CHRM5: variants seen among roughly 807,000 people sequenced by gnomAD.
The protein encoded by CHRM5 is cholinergic receptor muscarinic 5.
A neutral mutation model predicts 39.0 loss-of-function variants in CHRM5; 18 were observed. The observed-to-expected ratio is 0.46, with a 90% CI of 0.32 to 0.68. The LOEUF (loss-of-function observed/expected upper bound fraction) is 0.68. CHRM5 is among the 30% of genes least tolerant of loss of function. CHRM5 has a pLI of 0.04. For missense variants in CHRM5, 515 were observed against 651.1 expected (o/e 0.79, Z 2.28); for synonymous variants, 241 against 246.3 (o/e 0.98, Z 0.20).
intron 1 of CHRM5, among the ~76,000 whole-genome samples, chr15:33,984,323 GTCA>G (rs1477248845): frequency 6.6e-6 from 1 of 151,818 alleles, no homozygotes; most frequent in African/African-American, 2.4e-5. Flanking sequence ...GGACCTTAAT[GTCA>G]TTTTATTAAG....
chr15:34,038,198 C>T (rs1437659665), intron 1 of CHRM5, among the ~76,000 whole-genome samples: 1 of 152,204 alleles, frequency 6.6e-6, no homozygotes, highest in Non-Finnish European at 1.5e-5. Flanking sequence ...AAGAGAACTA[C>T]GCTATTACAA....
intron 1 of CHRM5, among the ~76,000 whole-genome samples, chr15:33,975,600 C>CAGA (rs1460693719): frequency 1.3e-5 from 2 of 152,156 alleles, no homozygotes; most frequent in Non-Finnish European, 2.9e-5. Flanking sequence ...TAATAGAACT[C>CAGA]AGAATTCAGT....
intron 1 of CHRM5, among the ~76,000 whole-genome samples, chr15:33,998,524 T>C (rs1026783863): frequency 6.6e-6 from 1 of 152,158 alleles, no homozygotes; most frequent in Non-Finnish European, 1.5e-5. Context: ...CAGCCCATTA[T>C]TCTCCTTTCC....
At chr15:33,972,908 G>A (rs1210281829) in intron 1 of CHRM5, among the ~76,000 whole-genome samples, 2 of 152,142 alleles carry the variant, frequency 1.3e-5, no homozygotes, top group African/African-American at 4.8e-5. Context: ...ACTACTCCAC[G>A]CATAATTACA....
At chr15:34,004,233 A>C (rs1274945908) in intron 1 of CHRM5, among the ~76,000 whole-genome samples, 4 of 152,236 alleles carry the variant, frequency 2.6e-5, no homozygotes, top group African/African-American at 9.6e-5. Context: ...TAGATTTTTA[A>C]ATAGGAACCC....
At chr15:34,058,252 T>C (rs78412602) in intron 2 of CHRM5, among the ~76,000 whole-genome samples, 1,905 of 152,304 alleles carry the variant, frequency 0.013, 35 homozygotes, top group Admixed American at 0.047. Context: ...TCTAGACTGG[T>C]GTTTGACAAA....
chr15:34,057,134 T>A (rs2140837499), intron 2 of CHRM5, among the ~76,000 whole-genome samples: 1 of 47,810 alleles, frequency 2.1e-5, no homozygotes, highest in East Asian at 3.4e-4. Context: ...GAGTTTTGGT[T>A]TTTTTTGGTT....
At chr15:34,039,099 GC>G in intron 1 of CHRM5, 1 of 1,066,470 alleles carries the variant, frequency 9.4e-7, no homozygotes, top group Non-Finnish European at 1.1e-6. Flanking sequence ...CGGCGGAGAC[GC>G]CCTGGCCCCA....
intron 1 of CHRM5, among the ~76,000 whole-genome samples, chr15:33,976,829 C>G (rs1332670627): frequency 6.6e-6 from 1 of 152,084 alleles, no homozygotes; most frequent in African/African-American, 2.4e-5. Flanking sequence ...TTGAAACAAA[C>G]ATCCTAGGCA....
intron 1 of CHRM5, among the ~76,000 whole-genome samples, chr15:34,045,171 A>T (rs574304795): frequency 1.3e-5 from 2 of 152,370 alleles, no homozygotes; most frequent in East Asian, 3.9e-4. Flanking sequence ...TTAGAGCTAT[A>T]AAGATGAACT....
At chr15:34,052,428 A>G (rs1899957295) in intron 2 of CHRM5, among the ~76,000 whole-genome samples, 1 of 152,232 alleles carries the variant, frequency 6.6e-6, no homozygotes, top group African/African-American at 2.4e-5. Flanking sequence ...TCCCCATGAA[A>G]ACCAGCACAA....
intron 1 of CHRM5, among the ~76,000 whole-genome samples, chr15:34,035,887 G>T (rs773635447): frequency 6.6e-6 from 1 of 152,090 alleles, no homozygotes; most frequent in Admixed American, 6.5e-5. Context: ...CTCCACCTCC[G>T]GGGCTCAAAA....
chr15:34,007,300 T>TA (rs557392998), intron 1 of CHRM5, among the ~76,000 whole-genome samples: 4 of 152,096 alleles, frequency 2.6e-5, no homozygotes, highest in Non-Finnish European at 4.4e-5. Flanking sequence ...AAAAATGAAA[T>TA]AAAAAAATGA....
rs539593837 is a variant in CHRM5, at chr15:33,996,746, G to A, written c.-408+27596G>A. On this transcript the variant is annotated intron_variant, in intron 1 of 2. Coordinates refer to ENST00000383263, the MANE Select transcript of CHRM5 (RefSeq NM_012125.4). ...AAGGTAGATAAAACCACAAAGATGGGGAGAAACCAGAGCAGAAAAGCTGAA... is the reference window on the plus strand; with the variant it reads ...AAGGTAGATAAAACCACAAAGATGGAGAGAAACCAGAGCAGAAAAGCTGAA... Among the ~76,000 whole-genome samples, 11 of 152,172 alleles carry A rather than the reference G, an allele frequency of 7.2e-5. No individual in the cohort carries two copies. The South Asian group carries it at 2.3e-3, about 32-fold the overall frequency.
intron 1 of CHRM5, chr15:33,972,105 C>T (rs1451507622): frequency 6.6e-6 from 1 of 152,040 alleles, no homozygotes; most frequent in Non-Finnish European, 1.5e-5. Flanking sequence ...TCAGCATCAA[C>T]TATTAAAGAT....
chr15:34,040,134 A>C, intron 1 of CHRM5, among the ~76,000 whole-genome samples: 1 of 152,170 alleles, frequency 6.6e-6, no homozygotes, highest in South Asian at 2.1e-4. Context: ...ACTCTGCATC[A>C]GGCACAGTGC....
At chr15:33,993,302 ATC>A (rs1896803802) in intron 1 of CHRM5, among the ~76,000 whole-genome samples, 1 of 152,240 alleles carries the variant, frequency 6.6e-6, no homozygotes, top group Non-Finnish European at 1.5e-5. Context: ...AGGCATGATT[ATC>A]TCTTTCAGAG....
intron 1 of CHRM5, among the ~76,000 whole-genome samples, chr15:34,031,094 T>A (rs1037327688): frequency 1.5e-5 from 2 of 131,934 alleles, no homozygotes; most frequent in Admixed American, 1.6e-4. Flanking sequence ...ACAACACTGA[T>A]AATAAGCCAA....
chr15:34,057,376 G>T (rs1237348621), intron 2 of CHRM5, among the ~76,000 whole-genome samples: 1 of 150,718 alleles, frequency 6.6e-6, no homozygotes, highest in African/African-American at 2.4e-5. Flanking sequence ...TCTCTTTACC[G>T]CATGATCCAC....
Sources: gnomAD v4.1 joint callset for allele counts (sites outside exome capture counted in the v4.1 genomes callset) on GRCh38, gnomAD v4.1.1 for gene constraint, MANE v1.5 for transcripts, NCBI Gene and HGNC (gene_info 2026-07-23, HGNC 2026-07-21) for gene names.